The following LTBP1 variants were observed in gnomAD, a reference collection of about 807,000 sequenced individuals.
The protein encoded by LTBP1 is latent-transforming growth factor beta-binding protein 1.
LTBP1 carries 129 observed loss-of-function variants against 207.6 expected under a neutral mutation model. That is an observed-to-expected ratio of 0.62 (90% CI 0.54 to 0.72). The LOEUF (loss-of-function observed/expected upper bound fraction) is 0.72. Among genes scored for constraint, LTBP1 ranks in the 30% least tolerant of loss-of-function variants. The pLI is 0.00. For missense variants in LTBP1, 2,281 were observed against 2,217.2 expected (o/e 1.03, Z -0.58); for synonymous variants, 963 against 833.7 (o/e 1.16, Z -2.67).
At chr2:33,017,325 G>A (rs921291846) in intron 2 of LTBP1, among the ~76,000 whole-genome samples, 1 of 152,228 alleles carries the variant, frequency 6.6e-6, no homozygotes, top group Admixed American at 6.5e-5. Flanking sequence ...CTTGCTGCTG[G>A]AAGACCTGTT....
intron 2 of LTBP1, among the ~76,000 whole-genome samples, chr2:32,976,004 T>C (rs1681720175): frequency 6.6e-6 from 1 of 152,208 alleles, no homozygotes; most frequent in Non-Finnish European, 1.5e-5. Flanking sequence ...AGAGTTCTTG[T>C]GCTGTTTCTT....
chr2:33,322,738 C>T (rs181742913), intron 24 of LTBP1, among the ~76,000 whole-genome samples: 27 of 152,270 alleles, frequency 1.8e-4, no homozygotes, highest in African/African-American at 6.0e-4. Context: ...ATTTATTATA[C>T]GAATGAGAAG....
intron 3 of LTBP1, among the ~76,000 whole-genome samples, chr2:33,024,923 G>T (rs891575532): frequency 1.3e-5 from 2 of 152,228 alleles, no homozygotes; most frequent in African/African-American, 2.4e-5. Context: ...CTGAAGGCTC[G>T]ACTGGGGCTG....
chr2:33,268,335 T>C (rs1303924833), intron 15 of LTBP1, among the ~76,000 whole-genome samples: 1 of 152,256 alleles, frequency 6.6e-6, no homozygotes, highest in Non-Finnish European at 1.5e-5. Context: ...TATTATTTGT[T>C]ACTGTTAGTT....
At chr2:33,089,157 A>C (rs1365452172) in intron 3 of LTBP1, among the ~76,000 whole-genome samples, 1 of 7,936 alleles carries the variant, frequency 1.3e-4, no homozygotes. Context: ...CTCAGTCTCA[A>C]AAAAAAAAAA....
chr2:33,084,836 C>T (rs2078657478), intron 3 of LTBP1, among the ~76,000 whole-genome samples: 1 of 152,172 alleles, frequency 6.6e-6, no homozygotes, highest in Non-Finnish European at 1.5e-5. Flanking sequence ...CCACCATGAT[C>T]CAGTTTGTTT....
At chr2:33,000,070 A>G (rs968522172) in intron 2 of LTBP1, among the ~76,000 whole-genome samples, 1 of 134,280 alleles carries the variant, frequency 7.4e-6, no homozygotes, top group Non-Finnish European at 1.6e-5. Flanking sequence ...ATTGTTAACA[A>G]GTTCTCCCAA....
At chr2:33,156,881 C>T (rs1380307897) in intron 5 of LTBP1, among the ~76,000 whole-genome samples, 3 of 151,950 alleles carry the variant, frequency 2.0e-5, no homozygotes, top group Non-Finnish European at 4.4e-5. Flanking sequence ...TGAGTCAAAC[C>T]GATTATCTTA....
At chr2:33,051,598 G>A (rs1174067423) in intron 3 of LTBP1, among the ~76,000 whole-genome samples, 2 of 152,098 alleles carry the variant, frequency 1.3e-5, no homozygotes, top group Non-Finnish European at 1.5e-5. Flanking sequence ...GCATGGCCCC[G>A]GAGTGCCATT....
intron 7 of LTBP1, among the ~76,000 whole-genome samples, chr2:33,200,428 G>C (rs1440022318): frequency 6.6e-6 from 1 of 152,200 alleles, no homozygotes; most frequent in Non-Finnish European, 1.5e-5. Context: ...GCCATATGTA[G>C]AAAGCTGAAA....
intron 11 of LTBP1, 47 bp from the exon 12 acceptor site, chr2:33,257,237 T>G (rs2092888177): frequency 2.9e-6 from 4 of 1,402,038 alleles, no homozygotes; most frequent in African/African-American, 1.4e-5. Flanking sequence ...TGTATAAGTT[T>G]GCACTGTTAG....
intron 23 of LTBP1, among the ~76,000 whole-genome samples, chr2:33,313,747 GA>G (rs941152424): frequency 6.6e-6 from 1 of 152,170 alleles, no homozygotes; most frequent in Non-Finnish European, 1.5e-5. Context: ...AAATAACTGA[GA>G]AATTTTGTGG....
chr2:33,317,746 C>T (rs894610566), intron 24 of LTBP1: 3 of 152,184 alleles, frequency 2.0e-5, no homozygotes, highest in Admixed American at 6.5e-5. Context: ...CTGACCTGCC[C>T]GGCTCTAAGC....
chr2:33,213,242 T>A lies in LTBP1; in HGVS notation c.1702-4310T>A, dbSNP rs1260460628. 2.4e-4 allele frequency among the ~76,000 whole-genome samples: 37 copies of A among 152,224 alleles called. 1 individual carries two copies. The highest frequency in any genetic ancestry group is 2.2e-3 in the Admixed American group (33 of 15,286). ...ATAGGATTTTTGTTTTGGATTTGAT[T>A]TAGCTAAATATTGGGTTGTAAATTT... On this transcript the variant is annotated intron_variant, in intron 7 of 33. Transcript: ENST00000404816.
intron 5 of LTBP1, among the ~76,000 whole-genome samples, chr2:33,157,238 A>G (rs1406051198): frequency 6.6e-6 from 1 of 152,270 alleles, no homozygotes; most frequent in Non-Finnish European, 1.5e-5. Flanking sequence ...TTAGATGTTT[A>G]GAATTGAAAT....
At position 33,222,869 on chromosome 2, in the gene LTBP1, T is replaced by C. The variant is rs372930289; in HGVS notation, c.1876+718T>C. On this transcript the variant is annotated intron_variant, in intron 9 of 33. Transcript: ENST00000404816. ...CCATATATGATATCATATTTTGTTT[T>C]AGTTACTTTATGGGAAGACCAATGC... 5.3e-5 allele frequency among the ~76,000 whole-genome samples: 8 copies of C among 152,202 alleles called. No individual in the cohort carries two copies. The East Asian group carries it at 9.6e-4, about 18-fold the overall frequency.
At position 33,044,346 on chromosome 2, in the gene LTBP1, C is replaced by T. The variant is rs542839954; in HGVS notation, c.863+23140C>T. On this transcript the variant is annotated intron_variant, in intron 3 of 33. Coordinates refer to ENST00000404816, the MANE Select transcript of LTBP1 (RefSeq NM_206943.4). ...GTTCTCATTGTTCAACTCCCACTTACGAGTGAGAACATGTGGTGTTTGGTT... is the reference window on the plus strand; with the variant it reads ...GTTCTCATTGTTCAACTCCCACTTATGAGTGAGAACATGTGGTGTTTGGTT... 1.7e-3 allele frequency among the ~76,000 whole-genome samples: 254 copies of T among 152,028 alleles called. 2 individuals are homozygous for T. Among genetic ancestry groups the T allele is most frequent in the Non-Finnish European group, 3.1e-3 (208 of 67,968 alleles).
intron 4 of LTBP1, among the ~76,000 whole-genome samples, chr2:33,121,920 T>C (rs571945644): frequency 6.6e-6 from 1 of 152,152 alleles, no homozygotes; most frequent in Non-Finnish European, 1.5e-5. Context: ...AATGATTCTC[T>C]CACCAATTTG....
intron 22 of LTBP1, among the ~76,000 whole-genome samples, chr2:33,306,096 T>G (rs1286166755): frequency 1.3e-5 from 2 of 152,224 alleles, no homozygotes; most frequent in Non-Finnish European, 2.9e-5. Context: ...ACCTTCTTAT[T>G]GCTTTGAAGA....
Sources: allele counts gnomAD v4.1 joint callset (sites outside exome capture counted in the v4.1 genomes callset), GRCh38; gene constraint gnomAD v4.1.1; transcripts MANE v1.5; gene names NCBI Gene and HGNC (gene_info 2026-07-23, HGNC 2026-07-21).